ADAMTSL1: variants seen among roughly 807,000 people sequenced by gnomAD.
ADAMTSL1 encodes the protein ADAMTS like 1, also known as ADAMTS-like protein 1.
Under a neutral mutation model 201.8 loss-of-function variants are expected in ADAMTSL1, and 126 were observed. The ratio of observed to expected loss-of-function variants is 0.62; its 90% CI spans 0.54 to 0.72. The LOEUF (loss-of-function observed/expected upper bound fraction) is 0.72. Ranked by LOEUF, ADAMTSL1 falls within the 30% of genes least tolerant of loss-of-function variation. The pLI, the probability that ADAMTSL1 is intolerant of heterozygous loss-of-function variation, is 0.00. For synonymous variants in ADAMTSL1, 1,121 were observed against 903.4 expected, an observed-to-expected ratio of 1.24 and a Z score of -4.32; for missense variants, 2,679 against 2,277.8, an observed-to-expected ratio of 1.18 and a Z score of -3.59.
intron 2 of ADAMTSL1, among the ~76,000 whole-genome samples, chr9:18,320,493 TAC>T (rs1434181601): frequency 2.3e-4 from 35 of 152,340 alleles, no homozygotes; most frequent in Admixed American, 2.1e-3. Context: ...CCCGCAGATC[TAC>T]AGTGTAACAA....
At chr9:17,946,419 A>G (rs1314606081) in intron 1 of ADAMTSL1, among the ~76,000 whole-genome samples, 1 of 152,092 alleles carries the variant, frequency 6.6e-6, no homozygotes, top group East Asian at 1.9e-4. Context: ...TTAAATGTAT[A>G]ATTATTTCAC....
chr9:18,609,081 A>G (rs1282093040), intron 4 of ADAMTSL1, among the ~76,000 whole-genome samples: 2 of 152,192 alleles, frequency 1.3e-5, no homozygotes, highest in East Asian at 3.9e-4. Flanking sequence ...CCCTGAAAAT[A>G]TGTCTTTCCC....
At position 18,910,848 on chromosome 9, in the gene ADAMTSL1, A is replaced by G. The variant is rs1302334536; in HGVS notation, c.*2300A>G. ...AATTGCAACTCAGCAGCACCACAAG[A>G]CAATGAAGGCTGCTGGCTAATGTGG... On this transcript the variant is annotated 3_prime_UTR_variant, in exon 29 of 29. Transcript: ENST00000380548. The G allele has an allele frequency of 6.6e-6, 1 of 152,268 alleles. No individual in the cohort carries two copies. The highest frequency in any genetic ancestry group is 1.5e-5 in the Non-Finnish European group (1 of 68,046). The allele number at this position is 152,268 out of a possible 1,614,324, so 9.4% of individuals were successfully genotyped here. A position where few individuals can be genotyped will look rare whatever the true frequency, so the allele number is the denominator to read the frequency against.
At chr9:18,853,569 C>T in intron 23 of ADAMTSL1, among the ~76,000 whole-genome samples, 1 of 152,182 alleles carries the variant, frequency 6.6e-6, no homozygotes, top group East Asian at 1.9e-4. Context: ...AGGCTCCTCT[C>T]ATCCTCCTAA....
chr9:18,257,430 A>G (rs1476854881), intron 2 of ADAMTSL1, among the ~76,000 whole-genome samples: 2 of 152,002 alleles, frequency 1.3e-5, no homozygotes, highest in East Asian at 3.9e-4. Context: ...TCAACACCCC[A>G]GTTATTAGGA....
At chr9:18,494,987 A>G (rs1822460033) in intron 1 of ADAMTSL1, among the ~76,000 whole-genome samples, 1 of 152,162 alleles carries the variant, frequency 6.6e-6, no homozygotes. Context: ...GGTCAAAAAC[A>G]CCAGATGGGA....
chr9:18,682,354 A>C (rs2779127), intron 12 of ADAMTSL1, among the ~76,000 whole-genome samples: 32,173 of 152,188 alleles, frequency 0.21, 3,949 homozygotes, highest in African/African-American at 0.34. Context: ...GCTGAAGTAC[A>C]TTGGGAAGTC....
At chr9:18,863,413 G>A (rs1827326255) in intron 23 of ADAMTSL1, among the ~76,000 whole-genome samples, 1 of 152,206 alleles carries the variant, frequency 6.6e-6, no homozygotes, top group Admixed American at 6.5e-5. Flanking sequence ...GACATTTGGG[G>A]AATGGAAAAT....
chr9:18,621,411 A>G (rs537093692), intron 4 of ADAMTSL1, among the ~76,000 whole-genome samples: 8 of 152,172 alleles, frequency 5.3e-5, no homozygotes, highest in East Asian at 1.9e-4. Context: ...CATGGCCTCA[A>G]CTATAGAATG....
At chr9:18,026,738 G>C (rs560730043) in intron 1 of ADAMTSL1, among the ~76,000 whole-genome samples, 27 of 152,134 alleles carry the variant, frequency 1.8e-4, no homozygotes, top group Admixed American at 1.4e-3. Context: ...TTAGAGAGGA[G>C]TCCCTCCTCC....
intron 2 of ADAMTSL1, among the ~76,000 whole-genome samples, chr9:18,231,249 T>G (rs1174057404): frequency 2.0e-5 from 3 of 152,218 alleles, no homozygotes; most frequent in African/African-American, 7.2e-5. Context: ...ACTTGCTGTT[T>G]CATTTCTGCT....
intron 2 of ADAMTSL1, among the ~76,000 whole-genome samples, chr9:18,215,389 A>G (rs1485731350): frequency 6.6e-6 from 1 of 152,214 alleles, no homozygotes; most frequent in Non-Finnish European, 1.5e-5. Context: ...TAACTTAAGT[A>G]TTTTATAAAA....
intron 24 of ADAMTSL1, among the ~76,000 whole-genome samples, chr9:18,889,228 CAAT>C (rs1829089237): frequency 6.6e-6 from 1 of 152,150 alleles, no homozygotes; most frequent in Admixed American, 6.5e-5. Flanking sequence ...GTACTGTAGC[CAAT>C]ATCTTTAAAA....
At chr9:18,358,951 C>A (rs1236257815) in intron 2 of ADAMTSL1, among the ~76,000 whole-genome samples, 2 of 152,092 alleles carry the variant, frequency 1.3e-5, no homozygotes, top group African/African-American at 4.8e-5. Flanking sequence ...AGCAGACATT[C>A]AGAGTCATGG....
rs1195366553 is a variant in ADAMTSL1, at chr9:17,972,334, C to A, written c.87+65412C>A. 9.6e-5 allele frequency among the ~76,000 whole-genome samples: 11 copies of A among 114,270 alleles called. No individual in the cohort carries two copies. In the Admixed American group the frequency reaches 1.1e-3, roughly 11 times the overall value. 75.0% of individuals were successfully genotyped at this position (114,270 alleles called of 152,430 possible). ...CCCCCTCCCCCCAAGCTACAACAGT[C>A]CCCGGTGTGTGATGTTCCCCTTCCT... On this transcript the variant is annotated intron_variant, in intron 1 of 29. Transcript: ENST00000680146.
chr9:18,826,369 C>T lies in ADAMTSL1; in HGVS notation c.4020C>T (p.Leu1340=), dbSNP rs754875954. ...ATCTGCACGAAGGCTCCTTGCTGCT[C>T]ACAAACGTGTCCTCCTCGGATCAGG... The part of the protein sequence containing the change: ...PHHLHEGSLL[L]TNVSSSDQGL... The change falls in exon 22 of 29, where the codon CTC becomes CTT. Residue 1340 remains leucine (L), a synonymous_variant. Transcript: ENST00000380548. The T allele has an allele frequency of 2.7e-5, 44 of 1,613,538 alleles. No individual in the cohort carries two copies. Among genetic ancestry groups the T allele is most frequent in the Non-Finnish European group, 3.5e-5 (41 of 1,179,804 alleles).
intron 1 of ADAMTSL1, among the ~76,000 whole-genome samples, chr9:17,994,460 A>G (rs1819293369): frequency 6.6e-6 from 1 of 152,162 alleles, no homozygotes; most frequent in Non-Finnish European, 1.5e-5. Flanking sequence ...TTCATTGGGA[A>G]TTGTAATAAT....
intron 2 of ADAMTSL1, among the ~76,000 whole-genome samples, chr9:18,241,513 G>A (rs933492652): frequency 4.6e-5 from 7 of 151,910 alleles, no homozygotes; most frequent in Non-Finnish European, 1.0e-4. Flanking sequence ...CAAGCTCTGA[G>A]TAGACTAAAA....
chr9:18,246,849 C>G (rs1333680890), intron 2 of ADAMTSL1, among the ~76,000 whole-genome samples: 1 of 152,118 alleles, frequency 6.6e-6, no homozygotes, highest in African/African-American at 2.4e-5. Context: ...AAAGAATGGG[C>G]ATTTCAGTAG....
Sources: gnomAD v4.1 joint callset for allele counts (sites outside exome capture counted in the v4.1 genomes callset) on GRCh38, gnomAD v4.1.1 for gene constraint, MANE v1.5 for transcripts, NCBI Gene and HGNC (gene_info 2026-07-23, HGNC 2026-07-21) for gene names.